The following HHLA1 variants were observed in gnomAD, a reference collection of about 807,000 sequenced individuals.
The protein encoded by HHLA1 is HERV-H LTR-associating protein 1.
Under a neutral mutation model 69.9 loss-of-function variants are expected in HHLA1, and 72 were observed. That is an observed-to-expected ratio of 1.03 (90% CI 0.85 to 1.25). The LOEUF is 1.25. Ranked by LOEUF, HHLA1 falls within the 50% of genes most tolerant of loss-of-function variation. HHLA1 has a pLI of 0.00. For missense variants in HHLA1, 685 were observed against 642.2 expected, an observed-to-expected ratio of 1.07 and a Z score of -0.72; for synonymous variants, 252 against 233.2, an observed-to-expected ratio of 1.08 and a Z score of -0.73.
At chr8:132,098,640 T>G (rs968011851) in intron 5 of HHLA1, among the ~76,000 whole-genome samples, 3 of 151,970 alleles carry the variant, frequency 2.0e-5, no homozygotes, top group Non-Finnish European at 4.4e-5. Context: ...TTTTGTATTT[T>G]TTGTAAAGAT....
chr8:132,100,949 T>A (rs1384922349), intron 3 of HHLA1, among the ~76,000 whole-genome samples: 1 of 152,182 alleles, frequency 6.6e-6, no homozygotes, highest in African/African-American at 2.4e-5. Context: ...ATGTTATACC[T>A]GGATGGAGAA....
chr8:132,100,236 G>C, intron 3 of HHLA1, 102 bp from the exon 4 acceptor site: 1 of 808,356 alleles, frequency 1.2e-6, no homozygotes, highest in Non-Finnish European at 2.1e-6. Context: ...TGCTCTCCGT[G>C]TGAGAGTCAC....
intron 8 of HHLA1, 142 bp downstream of exon 8, chr8:132,089,374 T>C (rs1823908785): frequency 1.5e-6 from 1 of 674,202 alleles, no homozygotes; most frequent in Admixed American, 2.6e-5. Flanking sequence ...ACCACACTGA[T>C]TATCTAAATA....
At chr8:132,105,147 T>C (rs1203533404) in intron 2 of HHLA1, 40 bp downstream of exon 2, 22 of 1,437,908 alleles carry the variant, frequency 1.5e-5, no homozygotes, top group Non-Finnish European at 2.0e-5. Flanking sequence ...TCCAACTTAT[T>C]ATACAGAACA....
intron 10 of HHLA1, chr8:132,080,782 CGA>C (rs1563743399): frequency 1.3e-5 from 2 of 151,990 alleles, no homozygotes. Context: ...AGAGAATGGG[CGA>C]TGTTTCTCAG....
intron 13 of HHLA1, 149 bp from the exon 14 acceptor site, chr8:132,076,278 A>G (rs945356530): frequency 2.3e-5 from 17 of 740,998 alleles, no homozygotes; most frequent in Non-Finnish European, 3.1e-5. Flanking sequence ...GATTTATGGA[A>G]GACCACACGG....
At chr8:132,103,231 G>A (rs866748487) in intron 3 of HHLA1, among the ~76,000 whole-genome samples, 2 of 152,234 alleles carry the variant, frequency 1.3e-5, no homozygotes, top group Non-Finnish European at 2.9e-5. Flanking sequence ...TCAGGAAAGG[G>A]AAGCTGTTGG....
chr8:132,103,209 C>A (rs1015076721), intron 3 of HHLA1, among the ~76,000 whole-genome samples: 8 of 152,096 alleles, frequency 5.3e-5, no homozygotes, highest in Non-Finnish European at 8.8e-5. Flanking sequence ...TAAATTGGTA[C>A]AATTGGTGCT....
intron 7 of HHLA1, among the ~76,000 whole-genome samples, chr8:132,091,010 C>A (rs745654363): frequency 6.6e-6 from 1 of 152,176 alleles, no homozygotes; most frequent in African/African-American, 2.4e-5. Flanking sequence ...CCACCCGCCT[C>A]GGCCTCCTTC....
intron 10 of HHLA1, among the ~76,000 whole-genome samples, chr8:132,083,330 A>G (rs1823793679): frequency 6.6e-6 from 1 of 152,044 alleles, no homozygotes; most frequent in African/African-American, 2.4e-5. Flanking sequence ...AATACCCACA[A>G]CAGTTATGGA....
At chr8:132,071,993 T>TGTGTGTATGCACGTGC (rs1360763626) in intron 14 of HHLA1, among the ~76,000 whole-genome samples, 2 of 152,026 alleles carry the variant, frequency 1.3e-5, no homozygotes, top group Non-Finnish European at 2.9e-5. Context: ...TGCCTGTGTG[T>TGTGTGTATGCACGTGC]GTGTGTATGC....
chr8:132,064,098 C>T (rs1823395855), intron 16 of HHLA1, 60 bp from the exon 17 acceptor site: 1 of 1,118,996 alleles, frequency 8.9e-7, no homozygotes, highest in South Asian at 1.4e-5. Context: ...ACTGTAGAGA[C>T]ATAAATTAAA....
intron 10 of HHLA1, among the ~76,000 whole-genome samples, chr8:132,083,126 T>C (rs1337072645): frequency 2.0e-5 from 3 of 146,824 alleles, no homozygotes; most frequent in Admixed American, 6.8e-5. Context: ...AGGCTTTGGA[T>C]TGGGAAGAAG....
chr8:132,075,616 A>G (rs1028884831), intron 14 of HHLA1, among the ~76,000 whole-genome samples: 1 of 152,228 alleles, frequency 6.6e-6, no homozygotes, highest in Non-Finnish European at 1.5e-5. Context: ...TTTTGCAGTC[A>G]TCTTTTTTAT....
In HHLA1 at chr8:132,075,437, C is replaced by T. The variant is rs79539008; in HGVS notation, c.1315+618G>A. Among the ~76,000 whole-genome samples, 1,476 of 152,216 alleles carry T rather than the reference C, an allele frequency of 9.7e-3. 23 individuals are homozygous for T. The highest frequency in any genetic ancestry group is 0.034 in the African/African-American group (1,406 of 41,528). On this transcript the variant is annotated intron_variant, in intron 14 of 16. Transcript: ENST00000414222. The stretch of plus-strand genomic sequence containing the variant: ...GCAAGCTGGAAAAATGCAGCAAAAA[C>T]CACAGCAACTCAAGTCCTCAGCCTC...
intron 10 of HHLA1, chr8:132,085,674 G>A (rs1157767700): frequency 6.5e-6 from 1 of 154,996 alleles, no homozygotes; most frequent in Non-Finnish European, 1.4e-5. Context: ...GATAAGGGTG[G>A]GGCCGTTTTA....
chr8:132,094,731 A>G (rs971234846), intron 7 of HHLA1, among the ~76,000 whole-genome samples: 6 of 152,130 alleles, frequency 3.9e-5, no homozygotes, highest in Non-Finnish European at 7.3e-5. Context: ...TACTTGCAGT[A>G]CATTTATTTA....
intron 4 of HHLA1, 119 bp from the exon 5 acceptor site, chr8:132,099,081 A>C: frequency 1.4e-6 from 1 of 696,950 alleles, no homozygotes; most frequent in Admixed American, 2.9e-5. Flanking sequence ...AAAACAAACC[A>C]AGTGCCAGGC....
rs1215232203 is a variant in HHLA1 at position 132,062,966 on chromosome 8, CA to C, written c.*1028del. On this transcript the variant is annotated 3_prime_UTR_variant, in exon 17 of 17. Transcript: ENST00000414222. ...GGTGGGGCCTTAGGTCGTGCAGTAT[CA>C]GCTTGACCTCTAGAGGGACTGGAGA... 6.6e-6 allele frequency: 1 copy of C among 152,192 alleles called. No homozygotes were observed. The highest frequency in any genetic ancestry group is 1.5e-5 in the Non-Finnish European group (1 of 68,070). 9.4% of individuals were successfully genotyped at this position (152,192 alleles called of 1,614,324 possible).
Sources: gnomAD v4.1 joint callset for allele counts (sites outside exome capture counted in the v4.1 genomes callset) on GRCh38, gnomAD v4.1.1 for gene constraint, MANE v1.5 for transcripts, NCBI Gene and HGNC (gene_info 2026-07-23, HGNC 2026-07-21) for gene names.